CNOT6: variants seen among roughly 807,000 people sequenced by gnomAD.
CNOT6 encodes CCR4-NOT transcription complex subunit 6.
In CNOT6, 12 loss-of-function variants were observed where a neutral mutation model predicts 61.2. The observed-to-expected ratio is 0.20, with a 90% confidence interval of 0.13 to 0.32. The LOEUF is 0.32. Ranked by LOEUF, CNOT6 falls within the 10% of genes least tolerant of loss-of-function variation. CNOT6 has a pLI of 1.00. For synonymous variants in CNOT6, 225 were observed against 240.6 expected (o/e 0.94, Z 0.60); for missense variants, 405 against 663.9 (o/e 0.61, Z 4.28).
intron 4 of CNOT6, among the ~76,000 whole-genome samples, chr5:180,559,047 C>T (rs1386242160): frequency 6.6e-6 from 1 of 152,130 alleles, no homozygotes; most frequent in African/African-American, 2.4e-5. Context: ...AGGATATGGT[C>T]CATCCTGGCA....
At chr5:180,506,063 A>T (rs1581469539) in intron 1 of CNOT6, among the ~76,000 whole-genome samples, 1 of 152,202 alleles carries the variant, frequency 6.6e-6, no homozygotes, top group African/African-American at 2.4e-5. Context: ...CTTGCAAGTG[A>T]TAGAATTCTT....
chr5:180,504,299 G>T (rs1028761147), intron 1 of CNOT6, among the ~76,000 whole-genome samples: 13 of 152,166 alleles, frequency 8.5e-5, no homozygotes, highest in Non-Finnish European at 8.8e-5. Flanking sequence ...TTGATGCTTT[G>T]TAAGGTCAAC....
rs1033262773 is a variant in CNOT6, at chr5:180,575,260, A to G, written c.*1060A>G. ...GAGAATTTTATGAAAATGCTTTTGTATGAGCTGTGGCTTTTTCCCATTGTG... is the reference window on the plus strand; with the variant it reads ...GAGAATTTTATGAAAATGCTTTTGTGTGAGCTGTGGCTTTTTCCCATTGTG... On this transcript the variant is annotated 3_prime_UTR_variant, in exon 12 of 12. Transcript: ENST00000261951. 3.9e-5 allele frequency: 6 copies of G among 152,256 alleles called. No homozygotes were observed. Among genetic ancestry groups the G allele is most frequent in the African/African-American group, 1.4e-4 (6 of 41,434 alleles). The allele number at this position is 152,256 out of a possible 1,614,324, so 9.4% of individuals were successfully genotyped here.
intron 2 of CNOT6, among the ~76,000 whole-genome samples, chr5:180,544,640 A>G (rs893846006): frequency 6.6e-6 from 1 of 152,172 alleles, no homozygotes; most frequent in Non-Finnish European, 1.5e-5. Context: ...AGATGGAATT[A>G]TGATCACCCT....
chr5:180,573,794 GC>G (rs1421027202), intron 11 of CNOT6, among the ~76,000 whole-genome samples, 193 bp from the exon 12 acceptor site: 1 of 152,058 alleles, frequency 6.6e-6, no homozygotes, highest in Non-Finnish European at 1.5e-5. Context: ...TAAGAAGAAT[GC>G]TTCATTCTGC....
intron 10 of CNOT6, among the ~76,000 whole-genome samples, chr5:180,569,819 A>G (rs1366409054): frequency 2.6e-5 from 4 of 152,242 alleles, no homozygotes; most frequent in Non-Finnish European, 5.9e-5. Flanking sequence ...GATTTTGACA[A>G]AGAGCAAGGA....
chr5:180,553,740 AG>A (rs1207727048), intron 4 of CNOT6, among the ~76,000 whole-genome samples: 1 of 152,056 alleles, frequency 6.6e-6, no homozygotes, highest in African/African-American at 2.4e-5. Context: ...TACATCCCTG[AG>A]GCTATGCTTT....
chr5:180,549,816 A>G (rs1759506197), intron 2 of CNOT6, 115 bp from the exon 3 acceptor site: 3 of 752,484 alleles, frequency 4.0e-6, no homozygotes, highest in South Asian at 1.9e-5. Context: ...CCTTCTCACA[A>G]GTTTTTGGAT....
Position 180,574,266 on chromosome 5 carries a change from T to A in CNOT6, c.*66T>A. On this transcript the variant is annotated 3_prime_UTR_variant, in exon 12 of 12. Transcript: ENST00000261951. ...TTGTGAAAATCTGAACATAGGGGAG[T>A]GAGGTATGGCCACTGAGGATTTTTG... 1 of 1,323,644 alleles carries A rather than the reference T, an allele frequency of 7.6e-7. No individual in the cohort carries two copies. Among genetic ancestry groups the A allele is most frequent in the Non-Finnish European group, 1.1e-6 (1 of 917,740 alleles). 82.0% of individuals were successfully genotyped at this position (1,323,644 alleles called of 1,614,324 possible).
At chr5:180,570,867 C>T (rs1365318861) in intron 10 of CNOT6, among the ~76,000 whole-genome samples, 1 of 151,998 alleles carries the variant, frequency 6.6e-6, no homozygotes, top group Non-Finnish European at 1.5e-5. Flanking sequence ...TGAGCGTAAG[C>T]CAGAAGTCTG....
chr5:180,542,406 A>C (rs1046329545), intron 2 of CNOT6, among the ~76,000 whole-genome samples: 6 of 152,022 alleles, frequency 3.9e-5, no homozygotes, highest in African/African-American at 1.2e-4. Context: ...CTGGGACTAC[A>C]GGCCCGCGCC....
At chr5:180,545,255 G>A (rs1759256077) in intron 2 of CNOT6, among the ~76,000 whole-genome samples, 1 of 152,136 alleles carries the variant, frequency 6.6e-6, no homozygotes, top group Non-Finnish European at 1.5e-5. Flanking sequence ...CCACAATCAA[G>A]AATGATCATA....
chr5:180,522,038 T>C (rs1027763699), intron 1 of CNOT6, among the ~76,000 whole-genome samples: 5 of 152,328 alleles, frequency 3.3e-5, no homozygotes, highest in Non-Finnish European at 7.3e-5. Flanking sequence ...GATTTATTTT[T>C]CTTTGGGTAT....
chr5:180,534,294 A>G (rs1445936697), intron 2 of CNOT6: 1 of 175,186 alleles, frequency 5.7e-6, no homozygotes, highest in African/African-American at 2.4e-5. Flanking sequence ...GCCCTTAGCA[A>G]TTAGGCCCAG....
Position 180,574,439 on chromosome 5 carries a change from G to C in CNOT6, c.*239G>C. ...GTGTGTTTGCACCTGTCTTTCATTT[G>C]TCATAAGAGATTTTCCTATTTCTTC... On this transcript the variant is annotated 3_prime_UTR_variant, in exon 12 of 12. Coordinates refer to ENST00000261951, the MANE Select transcript of CNOT6 (RefSeq NM_001370472.1). 1 of 550,032 alleles carries C rather than the reference G, an allele frequency of 1.8e-6. No individual in the cohort carries two copies. The highest frequency in any genetic ancestry group is 3.3e-6 in the Non-Finnish European group (1 of 307,490). The allele number at this position is 550,032 out of a possible 1,614,324, so 34.1% of individuals were successfully genotyped here.
At chr5:180,528,008 C>T (rs940146991) in intron 1 of CNOT6, among the ~76,000 whole-genome samples, 1 of 152,136 alleles carries the variant, frequency 6.6e-6, no homozygotes, top group Non-Finnish European at 1.5e-5. Context: ...ACCACCCCAC[C>T]CTCCCCAAAT....
intron 2 of CNOT6, among the ~76,000 whole-genome samples, chr5:180,531,972 G>A (rs1422543156): frequency 6.6e-6 from 1 of 152,220 alleles, no homozygotes; most frequent in African/African-American, 2.4e-5. Flanking sequence ...TTGGTGGCAT[G>A]AGAGGGAGAC....
rs189200739 is a variant in CNOT6 at position 180,549,396 on chromosome 5, C to T, written c.113-535C>T. Among the ~76,000 whole-genome samples, 1,342 of 152,048 alleles carry T rather than the reference C, an allele frequency of 8.8e-3. 17 individuals carry two copies. The highest frequency in any genetic ancestry group is 0.036 in the Admixed American group (550 of 15,280). The stretch of plus-strand genomic sequence containing the variant: ...CGGGCACAGTGGCTCATGCCTGTAA[C>T]CCCAGCACTTTTGGAGGCCAAGGCG... On this transcript the variant is annotated intron_variant, in intron 2 of 11. Transcript: ENST00000261951.
chr5:180,567,075 T>C lies in CNOT6; in HGVS notation c.718-13T>C. ...TGTCTTATGAAATAACTGTGCTGTT[T>C]ACAACTTTTCAGGAGGTTGAAACGG... On this transcript the variant is annotated splice_polypyrimidine_tract_variant and intron_variant, in intron 7 of 11. Transcript: ENST00000261951. The C allele has an allele frequency of 6.3e-7, 1 of 1,597,228 alleles. No homozygotes were observed. Among genetic ancestry groups the C allele is most frequent in the Non-Finnish European group, 8.5e-7 (1 of 1,175,446 alleles).
Sources: gnomAD v4.1 joint callset for allele counts (sites outside exome capture counted in the v4.1 genomes callset) on GRCh38, gnomAD v4.1.1 for gene constraint, MANE v1.5 for transcripts, NCBI Gene and HGNC (gene_info 2026-07-23, HGNC 2026-07-21) for gene names.